The following DPP10 variants were observed in gnomAD, a reference collection of about 807,000 sequenced individuals.
The protein encoded by DPP10 is dipeptidyl peptidase like 10, also known as inactive dipeptidyl peptidase 10.
Under a neutral mutation model 120.9 loss-of-function variants are expected in DPP10, and 33 were observed. That is an observed-to-expected ratio of 0.27 (90% confidence interval 0.21 to 0.37). The LOEUF (loss-of-function observed/expected upper bound fraction) is 0.37. DPP10 is among the 10% of genes least tolerant of loss of function. The probability of loss-of-function intolerance (pLI) is 1.00; values close to 1 mark genes in which losing one functional copy is unlikely to be tolerated. For synonymous variants in DPP10, 337 were observed against 326.1 expected (o/e 1.03, Z -0.36); for missense variants, 816 against 942.8 (o/e 0.87, Z 1.76).
At chr2:114,558,652 A>G (rs1039621145) in intron 1 of DPP10, among the ~76,000 whole-genome samples, 2 of 152,250 alleles carry the variant, frequency 1.3e-5, no homozygotes, top group African/African-American at 2.4e-5. Context: ...GCCCAGCCCA[A>G]TGGCAGACAC....
intron 1 of DPP10, among the ~76,000 whole-genome samples, chr2:115,233,039 A>T (rs997278776): frequency 3.9e-5 from 4 of 103,534 alleles, no homozygotes; most frequent in African/African-American, 1.7e-4. Context: ...GTCTATCGTC[A>T]TCTTAATCTT....
intron 7 of DPP10, among the ~76,000 whole-genome samples, chr2:115,727,330 G>A (rs2092789793): frequency 6.6e-6 from 1 of 152,112 alleles, no homozygotes. Flanking sequence ...CAGGGAATCT[G>A]TGAGCTGAGC....
intron 7 of DPP10, among the ~76,000 whole-genome samples, chr2:115,699,036 C>CAAAAAAAAAAAAAAAAAAAA (rs1191197397): frequency 2.0e-5 from 1 of 50,788 alleles, no homozygotes; most frequent in Non-Finnish European, 3.8e-5. Context: ...AAAAAAAAAA[C>CAAAAAAAAAAAAAAAAAAAA]AAAAAAAAAA....
intron 1 of DPP10, among the ~76,000 whole-genome samples, chr2:115,291,343 G>A (rs182741849): frequency 3.0e-4 from 46 of 151,878 alleles, no homozygotes; most frequent in Admixed American, 7.9e-4. Context: ...CCTGTTTCCC[G>A]GACTAAATAC....
chr2:114,711,335 TAGG>T (rs1448901799), intron 1 of DPP10, among the ~76,000 whole-genome samples: 1 of 152,178 alleles, frequency 6.6e-6, no homozygotes, highest in African/African-American at 2.4e-5. Flanking sequence ...GAAGAAGATT[TAGG>T]AGGATCTTTA....
intron 3 of DPP10, among the ~76,000 whole-genome samples, chr2:115,376,256 T>C (rs1559503615): frequency 6.6e-6 from 1 of 152,210 alleles, no homozygotes; most frequent in Non-Finnish European, 1.5e-5. Context: ...AATGGTAATA[T>C]ACAGCCTAGA....
intron 1 of DPP10, among the ~76,000 whole-genome samples, chr2:115,110,218 C>T (rs1365291916): frequency 2.0e-5 from 3 of 152,062 alleles, no homozygotes; most frequent in South Asian, 2.1e-4. Context: ...ATAGTGATGA[C>T]GAGGAAAGTC....
At chr2:115,438,559 G>C (rs1026518525) in intron 3 of DPP10, among the ~76,000 whole-genome samples, 1 of 152,158 alleles carries the variant, frequency 6.6e-6, no homozygotes, top group Admixed American at 6.6e-5. Context: ...ATATTATTTA[G>C]CCTTAAAGAG....
rs751346165 is a variant in DPP10, at chr2:114,935,162, T to A, written c.61-374077T>A. ...TGCTTCCCATTTTCATTCCTCTACATTTAATTACAACCCGGTCTTCTACTC... is the reference window on the plus strand; with the variant it reads ...TGCTTCCCATTTTCATTCCTCTACAATTAATTACAACCCGGTCTTCTACTC... On this transcript the variant is annotated intron_variant, in intron 1 of 25. Coordinates refer to ENST00000410059, the MANE Select transcript of DPP10 (RefSeq NM_020868.6). Among the ~76,000 whole-genome samples the A allele has an allele frequency of 8.5e-5, 13 of 152,174 alleles. 1 individual carries two copies. Among genetic ancestry groups the A allele is most frequent in the Non-Finnish European group, 1.3e-4 (9 of 68,028 alleles).
chr2:115,045,268 A>G (rs1704976446), intron 1 of DPP10, among the ~76,000 whole-genome samples: 1 of 152,128 alleles, frequency 6.6e-6, no homozygotes, highest in Non-Finnish European at 1.5e-5. Flanking sequence ...ATATATTGAT[A>G]TATTGTATAT....
chr2:115,705,506 A>G (rs1445674519), intron 7 of DPP10, among the ~76,000 whole-genome samples: 1 of 151,904 alleles, frequency 6.6e-6, no homozygotes, highest in African/African-American at 2.4e-5. Context: ...ATGGAAGTAG[A>G]TGAGGAACAA....
At position 115,291,281 on chromosome 2, in the gene DPP10, G is replaced by C. The variant is rs77017332; in HGVS notation, c.61-17958G>C. On this transcript the variant is annotated intron_variant, in intron 1 of 25. Transcript: ENST00000410059. Reference sequence around the variant, plus strand: ...GACCTCCCAAAGTGCTCAGATTACTGGTGTGAGCCATGGCATCCCACCTCT... The same window carrying C: ...GACCTCCCAAAGTGCTCAGATTACTCGTGTGAGCCATGGCATCCCACCTCT... Among the ~76,000 whole-genome samples, 617 of 152,130 alleles carry C rather than the reference G, an allele frequency of 4.1e-3. 5 individuals are homozygous for C. Among genetic ancestry groups the C allele is most frequent in the African/African-American group, 0.015 (604 of 41,518 alleles).
At chr2:115,028,305 T>G (rs1343195137) in intron 1 of DPP10, among the ~76,000 whole-genome samples, 1 of 152,082 alleles carries the variant, frequency 6.6e-6, no homozygotes, top group African/African-American at 2.4e-5. Context: ...TTCCATGTGG[T>G]TCAAGAATTT....
At chr2:114,862,264 T>C (rs933079621) in intron 1 of DPP10, among the ~76,000 whole-genome samples, 1 of 70,834 alleles carries the variant, frequency 1.4e-5, no homozygotes, top group African/African-American at 4.9e-5. Context: ...CACATACAAC[T>C]GTCCAAGTGG....
chr2:114,445,687 A>G (rs890012568), intron 1 of DPP10, among the ~76,000 whole-genome samples: 1 of 151,966 alleles, frequency 6.6e-6, no homozygotes, highest in Admixed American at 6.6e-5. Flanking sequence ...AGAGTTGGAA[A>G]AGAGGAAATT....
chr2:114,856,473 A>G (rs1162408123), intron 1 of DPP10, among the ~76,000 whole-genome samples: 2 of 152,208 alleles, frequency 1.3e-5, no homozygotes, highest in East Asian at 3.8e-4. Context: ...GAGAATTTTG[A>G]GGACAATACT....
At chr2:115,479,614 A>C (rs1028811994) in intron 3 of DPP10, among the ~76,000 whole-genome samples, 11 of 151,728 alleles carry the variant, frequency 7.2e-5, no homozygotes, top group South Asian at 2.1e-4. Flanking sequence ...AGGAAGAAAC[A>C]CAGTTTAATT....
chr2:114,976,905 C>T (rs1699789360), intron 1 of DPP10, among the ~76,000 whole-genome samples: 1 of 151,994 alleles, frequency 6.6e-6, no homozygotes, highest in African/African-American at 2.4e-5. Context: ...TTATCTTTAC[C>T]TTCAATCTTC....
At chr2:115,517,103 T>A (rs1168367265) in intron 4 of DPP10, among the ~76,000 whole-genome samples, 1 of 152,120 alleles carries the variant, frequency 6.6e-6, no homozygotes, top group Admixed American at 6.6e-5. Flanking sequence ...ATCTAAAAAT[T>A]CCTTCCTAGG....
Sources: gnomAD v4.1 joint callset for allele counts (sites outside exome capture counted in the v4.1 genomes callset) on GRCh38, gnomAD v4.1.1 for gene constraint, MANE v1.5 for transcripts, NCBI Gene and HGNC (gene_info 2026-07-23, HGNC 2026-07-21) for gene names.